Variants in PAFAH1B1 observed in about 807,000 individuals in gnomAD.
PAFAH1B1 encodes the protein platelet-activating factor acetylhydrolase IB subunit beta.
In PAFAH1B1, 2 loss-of-function variants were observed where a neutral mutation model predicts 57.5. The observed-to-expected ratio is 0.03, with a 90% CI of 0.01 to 0.11. The LOEUF is 0.11. Among genes scored for constraint, PAFAH1B1 ranks in the 10% least tolerant of loss-of-function variants. PAFAH1B1 has a pLI of 1.00. For synonymous variants in PAFAH1B1, 152 were observed against 169.6 expected (o/e 0.90, Z 0.81); for missense variants, 257 against 512.0 (o/e 0.50, Z 4.81).
At chr17:2,625,770 T>A (rs533021059) in intron 1 of PAFAH1B1, among the ~76,000 whole-genome samples, 41 of 151,906 alleles carry the variant, frequency 2.7e-4, no homozygotes, top group African/African-American at 9.2e-4. Flanking sequence ...TAGCGGAGGT[T>A]GGGGGTAAAA....
intron 1 of PAFAH1B1, among the ~76,000 whole-genome samples, chr17:2,620,600 A>G (rs1024308025): frequency 1.3e-5 from 2 of 152,184 alleles, no homozygotes; most frequent in African/African-American, 4.8e-5. Context: ...GCCGTTGCTC[A>G]TGCCTGTAAT....
At chr17:2,667,338 A>T in intron 5 of PAFAH1B1, 140 bp downstream of exon 5, 1 of 664,820 alleles carries the variant, frequency 1.5e-6, no homozygotes, top group Non-Finnish European at 2.7e-6. Flanking sequence ...TGTCTCAAAA[A>T]AAAAAAGCAG....
intron 1 of PAFAH1B1, among the ~76,000 whole-genome samples, chr17:2,606,405 G>T (rs183901309): frequency 6.6e-6 from 1 of 151,662 alleles, no homozygotes; most frequent in African/African-American, 2.4e-5. Context: ...CACTCTTGTC[G>T]CCCAGGCTGG....
At chr17:2,643,324 G>A (rs2068720995) in intron 2 of PAFAH1B1, among the ~76,000 whole-genome samples, 1 of 151,970 alleles carries the variant, frequency 6.6e-6, no homozygotes, top group African/African-American at 2.4e-5. Context: ...TCGCTATATT[G>A]CCCAGGCAGG....
chr17:2,656,154 A>G (rs2151649741), intron 2 of PAFAH1B1, among the ~76,000 whole-genome samples: 1 of 152,070 alleles, frequency 6.6e-6, no homozygotes, highest in African/African-American at 2.4e-5. Flanking sequence ...TCGAACTCCT[A>G]ACCTCGTGAT....
chr17:2,595,555 G>C (rs922905166), intron 1 of PAFAH1B1, among the ~76,000 whole-genome samples: 4 of 151,456 alleles, frequency 2.6e-5, no homozygotes, highest in Admixed American at 6.6e-5. Flanking sequence ...AAAAAATTCT[G>C]ATTTGGTTTT....
intron 2 of PAFAH1B1, chr17:2,640,823 TAGAG>T (rs2068686216): frequency 6.6e-6 from 1 of 152,336 alleles, no homozygotes; most frequent in Non-Finnish European, 1.5e-5. Flanking sequence ...GAGTTGGATT[TAGAG>T]AGACATAATG....
intron 1 of PAFAH1B1, among the ~76,000 whole-genome samples, chr17:2,634,069 A>G (rs1219407303): frequency 6.6e-6 from 1 of 151,684 alleles, no homozygotes; most frequent in Middle Eastern, 3.2e-3. Context: ...AACATACGTA[A>G]AATGGAGTTA....
chr17:2,637,404 G>C (rs558482213), intron 1 of PAFAH1B1, among the ~76,000 whole-genome samples: 1 of 118,148 alleles, frequency 8.5e-6, no homozygotes, highest in Non-Finnish European at 1.7e-5. Context: ...AATGTAGGGA[G>C]ACCTGTCTCT....
At chr17:2,665,994 A>T in intron 3 of PAFAH1B1, 22 bp from the exon 4 acceptor site, 4 of 1,460,166 alleles carry the variant, frequency 2.7e-6, no homozygotes, top group Non-Finnish European at 3.7e-6. Context: ...TTTTTTAAAA[A>T]TTCTAAATTT....
intron 9 of PAFAH1B1, chr17:2,679,867 C>G: frequency 2.6e-6 from 1 of 378,630 alleles, no homozygotes; most frequent in South Asian, 2.9e-5. Context: ...TAAAATTATT[C>G]ACACTCAAGA....
intron 1 of PAFAH1B1, among the ~76,000 whole-genome samples, chr17:2,616,284 C>G (rs2068339382): frequency 6.6e-6 from 1 of 152,132 alleles, no homozygotes; most frequent in East Asian, 1.9e-4. Context: ...AAGAATACTA[C>G]TGCTGGAGTA....
chr17:2,642,484 C>G (rs925362997), intron 2 of PAFAH1B1: 1 of 152,258 alleles, frequency 6.6e-6, no homozygotes, highest in Non-Finnish European at 1.5e-5. Context: ...AAATGAATTT[C>G]GTGTTTAGAC....
At chr17:2,594,250 G>T (rs2068058397) in intron 1 of PAFAH1B1, among the ~76,000 whole-genome samples, 1 of 152,050 alleles carries the variant, frequency 6.6e-6, no homozygotes, top group Admixed American at 6.5e-5. Flanking sequence ...CGCTGCCCTC[G>T]CTCCTCTCCT....
chr17:2,685,541 AATTT>A lies in PAFAH1B1; in HGVS notation c.*3743_*3746del, dbSNP rs915884949. ...GTTGCTCTCAGACTGTGTAAAACAA[AATTT>A]ATTCATGTTTTCTGCATATTAAAAA... On this transcript the variant is annotated 3_prime_UTR_variant, in exon 11 of 11. Coordinates refer to ENST00000397195, the MANE Select transcript of PAFAH1B1 (RefSeq NM_000430.4). 6 of 152,210 alleles carry A rather than the reference AATTT, an allele frequency of 3.9e-5. No homozygotes were observed. Among genetic ancestry groups the A allele is most frequent in the African/African-American group, 7.3e-5 (3 of 41,326 alleles). 9.4% of individuals were successfully genotyped at this position (152,210 alleles called of 1,614,324 possible).
chr17:2,679,936 G>A (rs956503221), intron 9 of PAFAH1B1: 30 of 545,458 alleles, frequency 5.5e-5, no homozygotes, highest in African/African-American at 4.9e-4. Flanking sequence ...ATAATGCCCT[G>A]CGGGACTTCT....
chr17:2,628,235 A>G (rs1323780176), intron 1 of PAFAH1B1, among the ~76,000 whole-genome samples: 2 of 151,960 alleles, frequency 1.3e-5, no homozygotes, highest in East Asian at 1.9e-4. Context: ...GGCTTTTATT[A>G]TGTTATTTCC....
In PAFAH1B1 at chr17:2,679,930, T is replaced by C. The variant is rs76146954; in HGVS notation, c.1003-234T>C. On this transcript the variant is annotated intron_variant, in intron 9 of 10. Transcript: ENST00000397195. The stretch of plus-strand genomic sequence containing the variant: ...AGATTTGTTCTTGTTATTTCCATAA[T>C]GCCCTGCGGGACTTCTTTTTAACCC... The C allele has an allele frequency of 2.0e-3, 1,039 of 531,398 alleles. 7 individuals are homozygous for C. Among genetic ancestry groups the C allele is most frequent in the African/African-American group, 0.017 (915 of 52,766 alleles). 32.9% of individuals were successfully genotyped at this position (531,398 alleles called of 1,614,324 possible). A position where few individuals can be genotyped will look rare whatever the true frequency, so the allele number is the denominator to read the frequency against.
At chr17:2,624,881 T>G (rs748307467) in intron 1 of PAFAH1B1, among the ~76,000 whole-genome samples, 21 of 152,256 alleles carry the variant, frequency 1.4e-4, no homozygotes, top group Non-Finnish European at 2.6e-4. Context: ...CAAGTGACAG[T>G]TTGAGGTTAG....
Sources: allele counts gnomAD v4.1 joint callset (sites outside exome capture counted in the v4.1 genomes callset), GRCh38; gene constraint gnomAD v4.1.1; transcripts MANE v1.5; gene names NCBI Gene and HGNC (gene_info 2026-07-23, HGNC 2026-07-21).